Variants in NMS observed in about 807,000 individuals in gnomAD.
The protein encoded by NMS is neuromedin S, also known as neuromedin-S.
In NMS, 30 loss-of-function variants were observed where a neutral mutation model predicts 32.2. The ratio of observed to expected loss-of-function variants is 0.93; its 90% CI spans 0.70 to 1.26. The LOEUF is 1.26. Among genes scored for constraint, NMS ranks in the 50% most tolerant of loss-of-function variants. The pLI is 0.00. For synonymous variants in NMS, 76 were observed against 58.5 expected (o/e 1.30, Z -1.37); for missense variants, 190 against 186.3 (o/e 1.02, Z -0.12).
At chr2:100,473,750 A>T (rs1677050341) in intron 3 of NMS, among the ~76,000 whole-genome samples, 1 of 151,944 alleles carries the variant, frequency 6.6e-6, no homozygotes, top group African/African-American at 2.4e-5. Flanking sequence ...AAATATGGGT[A>T]GTTCATGTAT....
At chr2:100,483,125 G>T in intron 9 of NMS, 127 bp from the exon 10 acceptor site, 1 of 777,886 alleles carries the variant, frequency 1.3e-6, no homozygotes, top group South Asian at 1.7e-5. Context: ...AAGCAACCTG[G>T]GCATTTATGA....
At position 100,481,055 on chromosome 2, in the gene NMS, C is replaced by A. The variant is rs1677206949; in HGVS notation, c.373-71C>A. The stretch of plus-strand genomic sequence containing the variant: ...GGGACCACCCATTTTGAAAACTGTT[C>A]CTATAGACATTTTTGAAGAACTTGT... On this transcript the variant is annotated intron_variant, in intron 7 of 9. Coordinates refer to ENST00000376865, the MANE Select transcript of NMS (RefSeq NM_001011717.1). 2.7e-6 allele frequency: 4 copies of A among 1,502,626 alleles called. No individual in the cohort carries two copies. The South Asian group carries it at 3.4e-5, about 13-fold the overall frequency. 93.1% of individuals were successfully genotyped at this position (1,502,626 alleles called of 1,614,324 possible).
intron 1 of NMS, among the ~76,000 whole-genome samples, chr2:100,471,833 G>T (rs896881220): frequency 6.6e-6 from 1 of 152,194 alleles, no homozygotes; most frequent in Non-Finnish European, 1.5e-5. Context: ...GGAAACACAG[G>T]ATAAGACTAA....
rs148773511 is a variant in NMS, at chr2:100,480,349, A to G, written c.337-147A>G. 2.0e-3 allele frequency: 1,468 copies of G among 750,486 alleles called. 20 individuals are homozygous for G. The African/African-American group carries it at 0.023, about 12-fold the overall frequency. The allele number at this position is 750,486 out of a possible 1,614,324, so 46.5% of individuals were successfully genotyped here. A position where few individuals can be genotyped will look rare whatever the true frequency, so the allele number is the denominator to read the frequency against. ...TAGAGAAGATCACGGCAGTGATCCC[A>G]CCATTTGCCATGCTCTCCACCTCCT... is the stretch of plus-strand genomic sequence containing the variant. On this transcript the variant is annotated intron_variant, in intron 6 of 9. Coordinates refer to ENST00000376865, the MANE Select transcript of NMS (RefSeq NM_001011717.1).
At chr2:100,474,736 T>C (rs1677072985) in intron 3 of NMS, among the ~76,000 whole-genome samples, 1 of 152,252 alleles carries the variant, frequency 6.6e-6, no homozygotes, top group Non-Finnish European at 1.5e-5. Flanking sequence ...CAACTAATTC[T>C]CATTCTTCAA....
rs186579578 is a variant in NMS at position 100,473,575 on chromosome 2, T to A, written c.183+36T>A. ...GTGTATATATATAATATATATAAAATATATATATATGCAACAAACACACTC... is the reference window on the plus strand; with the variant it reads ...GTGTATATATATAATATATATAAAAAATATATATATGCAACAAACACACTC... On this transcript the variant is annotated intron_variant, in intron 3 of 9. Transcript: ENST00000376865. 404 of 745,432 alleles carry A rather than the reference T, an allele frequency of 5.4e-4. 1 individual carries two copies. Among genetic ancestry groups the A allele is most frequent in the Admixed American group, 8.2e-4 (19 of 23,310 alleles). 46.2% of individuals were successfully genotyped at this position (745,432 alleles called of 1,614,324 possible).
chr2:100,477,155 G>A (rs956512369), intron 3 of NMS, 89 bp from the exon 4 acceptor site: 1 of 1,060,776 alleles, frequency 9.4e-7, no homozygotes, highest in Non-Finnish European at 1.5e-6. Flanking sequence ...AATCCACTAA[G>A]GTCCATGGTG....
At chr2:100,470,723 G>A (rs551628529) in intron 1 of NMS, among the ~76,000 whole-genome samples, 159 bp downstream of exon 1, 126 of 152,316 alleles carry the variant, frequency 8.3e-4, no homozygotes, top group African/African-American at 3.0e-3. Context: ...TTTAGGAGAG[G>A]ATCAAGAGAG....
chr2:100,473,200 T>C (rs1378145429), intron 2 of NMS, among the ~76,000 whole-genome samples: 3 of 152,250 alleles, frequency 2.0e-5, no homozygotes, highest in African/African-American at 7.2e-5. Context: ...GATATTCTGA[T>C]ACTTTCATAT....
intron 7 of NMS, 55 bp from the exon 8 acceptor site, chr2:100,481,071 A>T: frequency 6.3e-7 from 1 of 1,584,594 alleles, no homozygotes; most frequent in Non-Finnish European, 8.7e-7. Context: ...GACATTTTTG[A>T]AGAACTTGTA....
chr2:100,472,913 ATAATGTTCACT>A lies in NMS; in HGVS notation c.132+67_132+77del, dbSNP rs1179559682. ...TCTGGACCTTGAATACATCATGTGT[ATAATGTTCACT>A]TAAAACTATTTTGAGATCAGATTTT... is the stretch of plus-strand genomic sequence containing the variant. On this transcript the variant is annotated intron_variant, in intron 2 of 9. Coordinates refer to ENST00000376865, the MANE Select transcript of NMS (RefSeq NM_001011717.1). 4 of 1,042,942 alleles carry A rather than the reference ATAATGTTCACT, an allele frequency of 3.8e-6. No homozygotes were observed. The East Asian group carries it at 7.2e-5, about 19-fold the overall frequency. The allele number at this position is 1,042,942 out of a possible 1,614,324, so 64.6% of individuals were successfully genotyped here.
At chr2:100,474,781 C>T (rs569800335) in intron 3 of NMS, among the ~76,000 whole-genome samples, 1 of 152,326 alleles carries the variant, frequency 6.6e-6, no homozygotes, top group East Asian at 1.9e-4. Context: ...TTCATGAATA[C>T]ATCAGGCCCA....
chr2:100,479,375 T>C lies in NMS; in HGVS notation c.284T>C (p.Met95Thr), dbSNP rs1223350627. The change falls in exon 6 of 10, where the codon ATG becomes ACG. Residue 95 changes from methionine (M) to threonine (T), a missense_variant. Transcript: ENST00000376865. ...CAGTTTCCTCCAGTGCATCCTCTAA[T>C]GCACCTGGCTGCCAAGCTCGCCAAC... ...KTGFPPVHPLMHLAAKLANRR... is the reference protein window; with the variant it reads ...KTGFPPVHPLTHLAAKLANRR... 2 of 1,611,146 alleles carry C rather than the reference T, an allele frequency of 1.2e-6. No individual in the cohort carries two copies. Among genetic ancestry groups the C allele is most frequent in the Non-Finnish European group, 1.7e-6 (2 of 1,178,732 alleles).
intron 1 of NMS, among the ~76,000 whole-genome samples, chr2:100,471,005 A>G (rs1281418993): frequency 6.6e-6 from 1 of 152,216 alleles, no homozygotes; most frequent in Non-Finnish European, 1.5e-5. Flanking sequence ...GCACACTGGA[A>G]AAAGGAATCT....
At chr2:100,471,702 GGAT>G (rs1204436314) in intron 1 of NMS, among the ~76,000 whole-genome samples, 7 of 152,210 alleles carry the variant, frequency 4.6e-5, no homozygotes, top group Non-Finnish European at 1.0e-4. Flanking sequence ...AATCCTTATA[GGAT>G]TGGTTTGCAT....
chr2:100,483,273 T>C lies in NMS; in HGVS notation c.*9T>C. On this transcript the variant is annotated 3_prime_UTR_variant, in exon 10 of 10. Coordinates refer to ENST00000376865, the MANE Select transcript of NMS (RefSeq NM_001011717.1). ...TTAGGATTCAGTGGTGAAAGAAAGC[T>C]GGATCTGATGAGGCCTTCCAGGGAT... 6.2e-7 allele frequency: 1 copy of C among 1,608,590 alleles called. No homozygotes were observed. Among genetic ancestry groups the C allele is most frequent in the Non-Finnish European group, 8.5e-7 (1 of 1,175,424 alleles).
intron 3 of NMS, among the ~76,000 whole-genome samples, 196 bp downstream of exon 3, chr2:100,473,735 C>G (rs1056723602): frequency 1.3e-5 from 2 of 151,670 alleles, no homozygotes; most frequent in Non-Finnish European, 2.9e-5. Flanking sequence ...ATATAAATTA[C>G]TATAAAATAT....
At chr2:100,483,126 G>A in intron 9 of NMS, 126 bp from the exon 10 acceptor site, 2 of 786,340 alleles carry the variant, frequency 2.5e-6, no homozygotes, top group Admixed American at 2.6e-5. Context: ...AGCAACCTGG[G>A]CATTTATGAC....
At chr2:100,472,731 G>C in intron 1 of NMS, 64 bp from the exon 2 acceptor site, 1 of 1,026,056 alleles carries the variant, frequency 9.7e-7, no homozygotes, top group South Asian at 1.4e-5. Context: ...TCATGATAAA[G>C]ACTTTGAAGT....
Sources: gnomAD v4.1 joint callset for allele counts (sites outside exome capture counted in the v4.1 genomes callset) on GRCh38, gnomAD v4.1.1 for gene constraint, MANE v1.5 for transcripts, NCBI Gene and HGNC (gene_info 2026-07-23, HGNC 2026-07-21) for gene names.